The following CSPG5 variants were observed in gnomAD, a reference collection of about 807,000 sequenced individuals.
CSPG5 encodes chondroitin sulfate proteoglycan 5.
A neutral mutation model predicts 39.8 loss-of-function variants in CSPG5; 25 were observed. The ratio of observed to expected loss-of-function variants is 0.63; its 90% confidence interval spans 0.46 to 0.88. The LOEUF (loss-of-function observed/expected upper bound fraction) is 0.88, where lower values mean the gene tolerates loss of function less well. CSPG5 is among the 40% of genes least tolerant of loss of function. The pLI, the probability that CSPG5 is intolerant of heterozygous loss-of-function variation, is 0.00. For missense variants in CSPG5, 627 were observed against 702.2 expected, an observed-to-expected ratio of 0.89 and a Z score of 1.21; for synonymous variants, 295 against 303.9, an observed-to-expected ratio of 0.97 and a Z score of 0.31.
At position 47,572,219 on chromosome 3, in the gene CSPG5, G is replaced by A. The variant is rs148150126; in HGVS notation, c.1382+467C>T. On this transcript the variant is annotated intron_variant, in intron 3 of 4. Transcript: ENST00000264723. This position sits in a 1 kb window ranked among gnomAD's most constrained non-coding sequence, Gnocchi z 4.5. ...AAACCCTTTCTCCTCAGTGTTCACC[G>A]AGGAGGAGCTGATTTTGGGTGACAG... 2.2e-3 allele frequency among the ~76,000 whole-genome samples: 342 copies of A among 152,322 alleles called. No individual in the cohort carries two copies. Among genetic ancestry groups the A allele is most frequent in the Non-Finnish European group, 3.3e-3 (223 of 68,034 alleles).
Position 47,569,197 on chromosome 3 carries a change from A to G in CSPG5, c.1413T>C (p.Asn471=), listed in dbSNP as rs890363311. 1 of 1,613,466 alleles carries G rather than the reference A, an allele frequency of 6.2e-7. No homozygotes were observed. The highest frequency in any genetic ancestry group is 1.1e-5 in the South Asian group (1 of 91,046). The change falls in exon 4 of 5, where the codon AAT becomes AAC. Residue 471 remains asparagine, a synonymous_variant. Transcript: ENST00000264723. ...CAATGGTGGAGAGGGAGAAGTTATC[A>G]TTGTGGAGCTCAGATGGGGTCCGGA... is the stretch of plus-strand genomic sequence containing the variant. The part of the protein sequence containing the change: ...NKFRTPSELH[N]DNFSLSTIAE...
chr3:47,562,958 G>C (rs1576366705), intron 4 of CSPG5, among the ~76,000 whole-genome samples, 197 bp from the exon 5 acceptor site: 1 of 152,148 alleles, frequency 6.6e-6, no homozygotes, highest in African/African-American at 2.4e-5. Context: ...GAAATGGCCA[G>C]GCAGAGAGGA....
Position 47,577,986 on chromosome 3 carries a change from G to A in CSPG5, c.98-58C>T, listed in dbSNP as rs2031837418. On this transcript the variant is annotated intron_variant, in intron 1 of 4. Transcript: ENST00000264723. The surrounding 1 kb of genome is among the most constrained non-coding windows in gnomAD (Gnocchi z 4.7). ...GGGCGGCGCGCTGAGGAGCCCTGGAGCCCCGGCCCGCCCCGGTCAGGCCCG... is the reference window on the plus strand; with the variant it reads ...GGGCGGCGCGCTGAGGAGCCCTGGAACCCCGGCCCGCCCCGGTCAGGCCCG... 7.3e-7 allele frequency: 1 copy of A among 1,365,960 alleles called. No individual in the cohort carries two copies. Among genetic ancestry groups the A allele is most frequent in the Non-Finnish European group, 9.4e-7 (1 of 1,068,360 alleles). 84.6% of individuals were successfully genotyped at this position (1,365,960 alleles called of 1,614,324 possible). A position where few individuals can be genotyped will look rare whatever the true frequency, so the allele number is the denominator to read the frequency against.
chr3:47,566,848 A>T (rs1019744692), intron 4 of CSPG5, among the ~76,000 whole-genome samples: 37 of 152,094 alleles, frequency 2.4e-4, no homozygotes, highest in South Asian at 1.0e-3. Flanking sequence ...CCTGTGGCTG[A>T]CCCCCAAGCC....
intron 3 of CSPG5, among the ~76,000 whole-genome samples, chr3:47,571,110 A>AG (rs143917733): frequency 6.6e-6 from 1 of 151,682 alleles, no homozygotes; most frequent in Non-Finnish European, 1.5e-5. Context: ...AAAAAAAAAA[A>AG]GATGGCAGTG....
At chr3:47,565,436 T>C (rs2031255780) in intron 4 of CSPG5, among the ~76,000 whole-genome samples, 1 of 152,138 alleles carries the variant, frequency 6.6e-6, no homozygotes, top group Non-Finnish European at 1.5e-5. Flanking sequence ...TCCAACTGCC[T>C]TTGACTTAAT....
In CSPG5 at chr3:47,562,689, T is replaced by C. The variant is rs138758003; in HGVS notation, c.1531A>G (p.Ile511Val). Residue 511 changes from isoleucine (I) to valine (V), a missense_variant, in exon 5 of 5, where the codon ATC becomes GTC. Physicochemically the swap from Ile to Val is conservative, Grantham distance 29. Coordinates refer to ENST00000264723, the MANE Select transcript of CSPG5 (RefSeq NM_006574.4). ...AGTTTGGGCGACATGGAGTTCTGGA[T>C]GTTAAATGACTCCTCCTCTTTCAGG... ...SCLKEEESFNIQNSMSPKLEG... is the reference protein window; with the variant it reads ...SCLKEEESFNVQNSMSPKLEG... 1.9e-6 allele frequency: 3 copies of C among 1,613,892 alleles called. No homozygotes were observed. The African/African-American group carries it at 4.0e-5, about 22-fold the overall frequency.
chr3:47,576,970 G>C lies in CSPG5; in HGVS notation c.1056C>G (p.Ser352=). ...RPGEPGRDLA[S]SENGTECRSG... Reference sequence around the variant, plus strand: ...TGCGGCACTCAGTGCCATTTTCACTGGAGGCCAAGTCCCTGCCTGGCTCTC... The same window carrying C: ...TGCGGCACTCAGTGCCATTTTCACTCGAGGCCAAGTCCCTGCCTGGCTCTC... The change falls in exon 2 of 5, where the codon TCC becomes TCG. Residue 352 remains serine (S), a synonymous_variant. Coordinates refer to ENST00000264723, the MANE Select transcript of CSPG5 (RefSeq NM_006574.4). 1 of 1,613,834 alleles carries C rather than the reference G, an allele frequency of 6.2e-7. No homozygotes were observed. The highest frequency in any genetic ancestry group is 8.5e-7 in the Non-Finnish European group (1 of 1,179,880).
Position 47,562,583 on chromosome 3 carries a change from T to C in CSPG5, c.*17A>G. On this transcript the variant is annotated 3_prime_UTR_variant, in exon 5 of 5. Coordinates refer to ENST00000264723, the MANE Select transcript of CSPG5 (RefSeq NM_006574.4). Reference sequence around the variant, plus strand: ...CCCCCCACCCACTACCCCCGCTTCCTCTCTTCTTGCTCTGCTTTAGGTTAA... The same window carrying C: ...CCCCCCACCCACTACCCCCGCTTCCCCTCTTCTTGCTCTGCTTTAGGTTAA... 4.2e-6 allele frequency: 6 copies of C among 1,430,530 alleles called. No individual in the cohort carries two copies. Among genetic ancestry groups the C allele is most frequent in the Non-Finnish European group, 4.8e-6 (5 of 1,035,376 alleles). The allele number at this position is 1,430,530 out of a possible 1,614,324, so 88.6% of individuals were successfully genotyped here. A position where few individuals can be genotyped will look rare whatever the true frequency, so the allele number is the denominator to read the frequency against.
Position 47,573,488 on chromosome 3 carries a change from A to G in CSPG5, c.1194-614T>C, listed in dbSNP as rs3772400. Among the ~76,000 whole-genome samples, 51 of 152,328 alleles carry G rather than the reference A, an allele frequency of 3.3e-4. No homozygotes were observed. The East Asian group carries it at 6.9e-3, about 21-fold the overall frequency. ...TGCCCCTAAAGCTCCCTATCCTAGT[A>G]CTATGAGAACTGTCATGCAAGCACA... On this transcript the variant is annotated intron_variant, in intron 2 of 4. Coordinates refer to ENST00000264723, the MANE Select transcript of CSPG5 (RefSeq NM_006574.4).
chr3:47,580,104 C>T (rs2031930688), upstream of CSPG5: 1 of 152,252 alleles, frequency 6.6e-6, no homozygotes, highest in Non-Finnish European at 1.5e-5. Flanking sequence ...AGCCTAGCGT[C>T]TCCACCTCTC....
intron 2 of CSPG5, among the ~76,000 whole-genome samples, chr3:47,575,456 C>T (rs761025442): frequency 6.6e-6 from 1 of 152,178 alleles, no homozygotes; most frequent in African/African-American, 2.4e-5. Context: ...TTAAATACCT[C>T]ACTGTGAGGA....
chr3:47,575,638 A>G (rs1264766454), intron 2 of CSPG5, among the ~76,000 whole-genome samples: 1 of 152,210 alleles, frequency 6.6e-6, no homozygotes, highest in African/African-American at 2.4e-5. Context: ...ACACCCGCAC[A>G]TCTGCAATGC....
chr3:47,564,960 T>C (rs903353817), intron 4 of CSPG5, among the ~76,000 whole-genome samples: 17 of 152,118 alleles, frequency 1.1e-4, no homozygotes, highest in African/African-American at 4.1e-4. Flanking sequence ...CACTAAAATC[T>C]AGAACAGGAC....
At position 47,577,337 on chromosome 3, in the gene CSPG5, C is replaced by G. The variant is rs1462212304; in HGVS notation, c.689G>C (p.Gly230Ala). 1.2e-6 allele frequency: 2 copies of G among 1,613,882 alleles called. No homozygotes were observed. The highest frequency in any genetic ancestry group is 1.7e-6 in the Non-Finnish European group (2 of 1,179,902). ...GTGGTTCTCTGAGGTTCCTGGTGACCCTGGGAAGCTCCCCAGATCTGCGCC... is the reference window on the plus strand; with the variant it reads ...GTGGTTCTCTGAGGTTCCTGGTGACGCTGGGAAGCTCCCCAGATCTGCGCC... ...GRGADLGSFP[G>A]SPGTSENHPD... Residue 230 changes from glycine to alanine, a missense_variant, in exon 2 of 5, where the codon GGG becomes GCG. Coordinates refer to ENST00000264723, the MANE Select transcript of CSPG5 (RefSeq NM_006574.4). The surrounding 1 kb of genome is among the most constrained non-coding windows in gnomAD (Gnocchi z 4.7).
At chr3:47,579,620 G>T (rs1330962633), upstream of CSPG5, 1 of 152,202 alleles carries the variant, frequency 6.6e-6, no homozygotes, top group Non-Finnish European at 1.5e-5. The surrounding 1 kb of genome is among the most constrained non-coding windows in gnomAD (Gnocchi z 4.2). Flanking sequence ...TTTAATCCTG[G>T]TCCCTTCTCC....
rs2031845905 is a variant in CSPG5 at position 47,578,141 on chromosome 3, AACGCCTCGCGGCTCGGCCCCGCCCG to A, written c.98-238_98-214del. ...CCAAGACGAGGATCACACCCCGCCC[AACGCCTCGCGGCTCGGCCCCGCCCG>A]ACCTGCCCCGCCGTCTGAAGAGCCA... is the stretch of plus-strand genomic sequence containing the variant. On this transcript the variant is annotated intron_variant, in intron 1 of 4. Coordinates refer to ENST00000264723, the MANE Select transcript of CSPG5 (RefSeq NM_006574.4). This position sits in a 1 kb window ranked among gnomAD's most constrained non-coding sequence, Gnocchi z 6.0. The A allele has an allele frequency of 6.8e-6, 5 of 736,170 alleles. No individual in the cohort carries two copies. The highest frequency in any genetic ancestry group is 9.3e-6 in the Non-Finnish European group (5 of 538,808). The allele number at this position is 736,170 out of a possible 1,614,324, so 45.6% of individuals were successfully genotyped here. A position where few individuals can be genotyped will look rare whatever the true frequency, so the allele number is the denominator to read the frequency against.
intron 2 of CSPG5, among the ~76,000 whole-genome samples, chr3:47,574,321 A>G (rs961394986): frequency 2.6e-5 from 4 of 152,182 alleles, no homozygotes; most frequent in African/African-American, 4.8e-5. Flanking sequence ...TCATACTATT[A>G]TGGGGAGTTC....
At chr3:47,565,613 G>A (rs2031264260) in intron 4 of CSPG5, among the ~76,000 whole-genome samples, 1 of 152,074 alleles carries the variant, frequency 6.6e-6, no homozygotes, top group South Asian at 2.1e-4. Context: ...TTGGAAGAGG[G>A]TGGGCAGTCA....
Sources: allele counts gnomAD v4.1 joint callset (sites outside exome capture counted in the v4.1 genomes callset), GRCh38; gene constraint gnomAD v4.1.1; non-coding constraint Gnocchi (gnomAD v3.1); transcripts MANE v1.5; gene names NCBI Gene and HGNC (gene_info 2026-07-23, HGNC 2026-07-21).